Variants in GULP1 observed in about 807,000 individuals in gnomAD.
GULP1 encodes PTB domain-containing engulfment adapter protein 1.
Under a neutral mutation model 40.9 loss-of-function variants are expected in GULP1, and 19 were observed. That is an observed-to-expected ratio of 0.46 (90% CI 0.32 to 0.68). GULP1 has a LOEUF of 0.68. Ranked by LOEUF, GULP1 falls within the 30% of genes least tolerant of loss-of-function variation. The pLI is 0.03. For missense variants in GULP1, 312 were observed against 362.2 expected (o/e 0.86, Z 1.12); for synonymous variants, 119 against 117.6 (o/e 1.01, Z -0.08).
intron 1 of GULP1, among the ~76,000 whole-genome samples, chr2:188,352,255 G>A (rs973977896): frequency 6.6e-6 from 1 of 152,088 alleles, no homozygotes; most frequent in African/African-American, 2.4e-5. Context: ...GGTGGGCCTC[G>A]TTCAATCAAC....
intron 2 of GULP1, among the ~76,000 whole-genome samples, chr2:188,410,434 A>G (rs2053709579): frequency 6.6e-6 from 1 of 152,244 alleles, no homozygotes; most frequent in Non-Finnish European, 1.5e-5. Flanking sequence ...ATGTATTTGC[A>G]AACCATAAAT....
chr2:188,522,780 C>G lies in GULP1; in HGVS notation c.115C>G (p.Gln39Glu). 2 of 1,611,762 alleles carry G rather than the reference C, an allele frequency of 1.2e-6. No homozygotes were observed. The highest frequency in any genetic ancestry group is 1.1e-5 in the South Asian group (1 of 91,032). The change falls in exon 5 of 12, where the codon CAG becomes GAG. Residue 39 changes from glutamine to glutamate, a missense_variant. Gln to Glu is a conservative substitution (Grantham distance 29). Coordinates refer to ENST00000409830, the MANE Select transcript of GULP1 (RefSeq NM_016315.4). The part of the protein sequence containing the change: ...AKFLGSTEVE[Q>E]PKGTEVVRDA... ...GTTTCTTGGCAGTACAGAAGTGGAA[C>G]AGCCAAAAGGAACAGAAGTTGTGAG...
chr2:188,594,592 A>G lies in GULP1; in HGVS notation c.*581A>G, dbSNP rs1163568008. 6.6e-6 allele frequency: 1 copy of G among 151,988 alleles called. No individual in the cohort carries two copies. Among genetic ancestry groups the G allele is most frequent in the Non-Finnish European group, 1.5e-5 (1 of 67,802 alleles). 9.4% of individuals were successfully genotyped at this position (151,988 alleles called of 1,614,324 possible). ...AATTATAAGGATATAAATTCCAATA[A>G]TAAACCAAATGTATTTAGAGTATTT... On this transcript the variant is annotated 3_prime_UTR_variant, in exon 12 of 12. Transcript: ENST00000409830.
chr2:188,537,731 G>GT (rs1417407587), intron 6 of GULP1, among the ~76,000 whole-genome samples: 2 of 151,980 alleles, frequency 1.3e-5, no homozygotes, highest in African/African-American at 4.8e-5. Flanking sequence ...CTTCTCCTCA[G>GT]TTTTTTGGGA....
intron 9 of GULP1, among the ~76,000 whole-genome samples, chr2:188,570,633 G>A (rs1428281638): frequency 6.6e-6 from 1 of 152,072 alleles, no homozygotes; most frequent in Non-Finnish European, 1.5e-5. Flanking sequence ...AGTCTTTGTA[G>A]TTAAAATATT....
intron 4 of GULP1, among the ~76,000 whole-genome samples, chr2:188,512,572 C>G (rs182403517): frequency 2.6e-5 from 4 of 152,114 alleles, no homozygotes; most frequent in Admixed American, 2.6e-4. Flanking sequence ...TAAAAACAGT[C>G]CTACATTATT....
intron 4 of GULP1, among the ~76,000 whole-genome samples, chr2:188,499,135 G>GTATATATATATATA (rs893185238): frequency 1.8e-5 from 1 of 56,354 alleles, no homozygotes; most frequent in African/African-American, 6.7e-5. Flanking sequence ...ATATGTGTGT[G>GTATATATATATATA]TATATATATA....
intron 9 of GULP1, among the ~76,000 whole-genome samples, chr2:188,570,475 C>G (rs1271541850): frequency 6.6e-6 from 1 of 152,146 alleles, no homozygotes; most frequent in Non-Finnish European, 1.5e-5. Flanking sequence ...CCAGTCTCCC[C>G]TTGAAGTGCT....
At chr2:188,577,554 G>A (rs1700399271) in intron 9 of GULP1, among the ~76,000 whole-genome samples, 2 of 151,986 alleles carry the variant, frequency 1.3e-5, no homozygotes, top group African/African-American at 2.4e-5. Context: ...CCTGTCTAAC[G>A]GGAAGAAAAA....
intron 2 of GULP1, among the ~76,000 whole-genome samples, chr2:188,473,512 A>C (rs973551648): frequency 6.6e-6 from 1 of 151,886 alleles, no homozygotes; most frequent in African/African-American, 2.4e-5. Flanking sequence ...TCAATCTTTC[A>C]TCCCCTTTCC....
intron 7 of GULP1, among the ~76,000 whole-genome samples, chr2:188,556,505 A>G (rs1435051686): frequency 1.3e-5 from 2 of 152,058 alleles, no homozygotes; most frequent in East Asian, 3.9e-4. Flanking sequence ...GCTTCTTTCA[A>G]ATCAGTATCT....
intron 1 of GULP1, among the ~76,000 whole-genome samples, chr2:188,374,972 CAT>C (rs1208771098): frequency 2.0e-5 from 3 of 152,088 alleles, no homozygotes; most frequent in African/African-American, 7.2e-5. Flanking sequence ...ATTAGAATAA[CAT>C]AAAGAACAAT....
intron 1 of GULP1, among the ~76,000 whole-genome samples, chr2:188,329,930 AG>A (rs1021902165): frequency 3.3e-5 from 5 of 152,138 alleles, no homozygotes; most frequent in Non-Finnish European, 7.4e-5. Flanking sequence ...TAGTCATTGG[AG>A]GAAGAGTTTA....
Position 188,446,079 on chromosome 2 carries a change from T to C in GULP1, c.-44-31580T>C, listed in dbSNP as rs758042789. 5.3e-5 allele frequency among the ~76,000 whole-genome samples: 8 copies of C among 152,328 alleles called. 1 individual carries two copies. In the South Asian group the frequency reaches 8.3e-4, roughly 16 times the overall value. ...GAAAGGCTAAAATGACCCATATTCA[T>C]TTCCCTACTTTTTGAGGGAGATATC... is the stretch of plus-strand genomic sequence containing the variant. On this transcript the variant is annotated intron_variant, in intron 2 of 11. Transcript: ENST00000409830.
Position 188,466,292 on chromosome 2 carries a change from T to TCC in GULP1, c.-44-11360_-44-11359dup, listed in dbSNP as rs138871908. 3.2e-3 allele frequency among the ~76,000 whole-genome samples: 467 copies of TCC among 148,104 alleles called. 1 individual carries two copies. Among genetic ancestry groups the TCC allele is most frequent in the African/African-American group, 0.011 (424 of 38,788 alleles). ...TTGACCTCAGTGGCTGGTTTTTTTT[T>TCC]CCCCCCCCGGAGTCTTGCTCTGTCA... On this transcript the variant is annotated intron_variant, in intron 2 of 11. Coordinates refer to ENST00000409830, the MANE Select transcript of GULP1 (RefSeq NM_016315.4).
rs77990490 is a variant in GULP1 at position 188,520,585 on chromosome 2, C to T, written c.91-2171C>T. ...CCCTTACAGAATCTGAAAAGTGAAA[C>T]TTCTCTTTGCCTCAGTGCAACTGAG... On this transcript the variant is annotated intron_variant, in intron 4 of 11. Transcript: ENST00000409830. Among the ~76,000 whole-genome samples the T allele has an allele frequency of 3.9e-4, 57 of 146,668 alleles. No homozygotes were observed. In the East Asian group the frequency reaches 0.011, roughly 28 times the overall value.
intron 1 of GULP1, among the ~76,000 whole-genome samples, chr2:188,328,970 C>T (rs1229234157): frequency 6.6e-6 from 1 of 152,110 alleles, no homozygotes; most frequent in Admixed American, 6.6e-5. Context: ...CATGAATCAA[C>T]TCATAAATCA....
intron 2 of GULP1, among the ~76,000 whole-genome samples, chr2:188,424,438 C>A (rs1216152756): frequency 6.6e-6 from 1 of 151,872 alleles, no homozygotes; most frequent in Non-Finnish European, 1.5e-5. Context: ...TGTATATGCT[C>A]ATTTTGCAAC....
At chr2:188,331,062 G>C (rs2152047279) in intron 1 of GULP1, among the ~76,000 whole-genome samples, 1 of 152,302 alleles carries the variant, frequency 6.6e-6, no homozygotes, top group East Asian at 1.9e-4. Context: ...TATGACTAAA[G>C]CACTCCCTAC....
Sources: gnomAD v4.1 joint callset for allele counts (sites outside exome capture counted in the v4.1 genomes callset) on GRCh38, gnomAD v4.1.1 for gene constraint, MANE v1.5 for transcripts, NCBI Gene and HGNC (gene_info 2026-07-23, HGNC 2026-07-21) for gene names.